ARHGAP44: variants seen among roughly 807,000 people sequenced by gnomAD.
The protein encoded by ARHGAP44 is rho GTPase-activating protein 44.
ARHGAP44 carries 43 observed loss-of-function variants against 106.8 expected under a neutral mutation model. That is an observed-to-expected ratio of 0.40 (90% CI 0.32 to 0.52). The LOEUF (loss-of-function observed/expected upper bound fraction) is 0.52. ARHGAP44 is among the 20% of genes least tolerant of loss of function. ARHGAP44 has a pLI of 0.48. For synonymous variants in ARHGAP44, 439 were observed against 410.3 expected, an observed-to-expected ratio of 1.07 and a Z score of -0.85; for missense variants, 866 against 1,050.5, an observed-to-expected ratio of 0.82 and a Z score of 2.43.
At chr17:12,913,901 G>A (rs749537050) in intron 4 of ARHGAP44, among the ~76,000 whole-genome samples, 1 of 138,220 alleles carries the variant, frequency 7.2e-6, no homozygotes, top group African/African-American at 2.5e-5. Context: ...CCCGGGAGGT[G>A]GAGTTTGTGG....
chr17:12,974,668 A>G (rs1205318852), intron 18 of ARHGAP44, among the ~76,000 whole-genome samples: 1 of 152,144 alleles, frequency 6.6e-6, no homozygotes, highest in Non-Finnish European at 1.5e-5. Context: ...CCCCCAGCGC[A>G]TATCTGAAAC....
intron 7 of ARHGAP44, among the ~76,000 whole-genome samples, chr17:12,937,943 A>C (rs566422617): frequency 1.3e-5 from 2 of 152,236 alleles, no homozygotes; most frequent in African/African-American, 4.8e-5. Context: ...TCTTCTAAAA[A>C]TACAGAAATT....
At chr17:12,863,441 A>G (rs1051040929) in intron 1 of ARHGAP44, among the ~76,000 whole-genome samples, 3 of 152,350 alleles carry the variant, frequency 2.0e-5, no homozygotes, top group South Asian at 2.1e-4. Flanking sequence ...TTGAGTCTCA[A>G]TCTGAGAACT....
rs886811238 is a variant in ARHGAP44, at chr17:12,852,702, C to T, written c.54-42238C>T. Among the ~76,000 whole-genome samples, 7 of 151,858 alleles carry T rather than the reference C, an allele frequency of 4.6e-5. No individual in the cohort carries two copies. In the South Asian group the frequency reaches 6.2e-4, roughly 14 times the overall value. On this transcript the variant is annotated intron_variant, in intron 1 of 20. Coordinates refer to ENST00000379672, the MANE Select transcript of ARHGAP44 (RefSeq NM_014859.6). ...GACTACAGGTGCCTGCCACCACGCC[C>T]GGCTAATTTTTCGTATTTTTAGTAG...
intron 1 of ARHGAP44, among the ~76,000 whole-genome samples, chr17:12,892,521 T>C (rs60809008): frequency 0.14 from 21,681 of 151,958 alleles, 2,342 homozygotes; most frequent in East Asian, 0.34. Context: ...TCTCTGAGTA[T>C]TTTTTAGCCT....
intron 1 of ARHGAP44, among the ~76,000 whole-genome samples, chr17:12,867,460 A>G (rs894302488): frequency 1.2e-4 from 18 of 152,252 alleles, no homozygotes; most frequent in African/African-American, 3.9e-4. Context: ...AGTCTTGCTT[A>G]CAGGAAGCGG....
chr17:12,871,239 G>A (rs1489208870), intron 1 of ARHGAP44, among the ~76,000 whole-genome samples: 1 of 152,146 alleles, frequency 6.6e-6, no homozygotes, highest in Non-Finnish European at 1.5e-5. Flanking sequence ...ACGTCAAATT[G>A]TAATCCCCAA....
intron 16 of ARHGAP44, among the ~76,000 whole-genome samples, chr17:12,968,767 CT>C (rs201566271): frequency 0.1 from 14,709 of 147,224 alleles, 795 homozygotes; most frequent in South Asian, 0.2. Context: ...TCTTTTATTT[CT>C]TTTCTTTTTT....
At chr17:12,963,612 C>T (rs975555482) in intron 16 of ARHGAP44, among the ~76,000 whole-genome samples, 14 of 139,938 alleles carry the variant, frequency 1.0e-4, no homozygotes, top group African/African-American at 3.7e-4. Context: ...GCTGTGTGTG[C>T]AGACAGGCTG....
chr17:12,910,230 A>G (rs1282233816), intron 4 of ARHGAP44, among the ~76,000 whole-genome samples: 2 of 151,342 alleles, frequency 1.3e-5, no homozygotes, highest in Admixed American at 6.6e-5. Context: ...GTACCAAGGT[A>G]GGAAAAAGAT....
At position 12,862,986 on chromosome 17, in the gene ARHGAP44, AAAAAT is replaced by A. The variant is rs1010817192; in HGVS notation, c.54-31944_54-31940del. On this transcript the variant is annotated intron_variant, in intron 1 of 20. Coordinates refer to ENST00000379672, the MANE Select transcript of ARHGAP44 (RefSeq NM_014859.6). ...CACAGAGTGAGACCCTGTCTATTAA[AAAAAT>A]AAAATAAAAAAAAAGGCCGAGCACA... Among the ~76,000 whole-genome samples the A allele has an allele frequency of 3.3e-5, 5 of 151,300 alleles. No individual in the cohort carries two copies. The South Asian group carries it at 6.3e-4, about 19-fold the overall frequency.
chr17:12,990,317 T>C lies in ARHGAP44; in HGVS notation c.*146T>C. The C allele has an allele frequency of 9.2e-7, 1 of 1,091,776 alleles. No individual in the cohort carries two copies. The allele number at this position is 1,091,776 out of a possible 1,614,324, so 67.6% of individuals were successfully genotyped here. On this transcript the variant is annotated 3_prime_UTR_variant, in exon 21 of 21. Transcript: ENST00000379672. The stretch of plus-strand genomic sequence containing the variant: ...ACGAGGTTGGAATTTGGCAGAAAAT[T>C]GTGATCTCCAGTCCGTGTGGTGATG...
Position 12,944,292 on chromosome 17 carries a change from G to T in ARHGAP44, c.861+96G>T, listed in dbSNP as rs995142592. On this transcript the variant is annotated intron_variant, in intron 10 of 20. Coordinates refer to ENST00000379672, the MANE Select transcript of ARHGAP44 (RefSeq NM_014859.6). ...CTCTCTCCTGTACCATCTCCACTCC[G>T]GCCCCCACGAATCCAAATGGCTTAA... is the stretch of plus-strand genomic sequence containing the variant. 3.1e-5 allele frequency: 44 copies of T among 1,410,140 alleles called. No homozygotes were observed. In the African/African-American group the frequency reaches 6.2e-4, roughly 20 times the overall value. The allele number at this position is 1,410,140 out of a possible 1,614,324, so 87.4% of individuals were successfully genotyped here. A position where few individuals can be genotyped will look rare whatever the true frequency, so the allele number is the denominator to read the frequency against.
chr17:12,973,453 C>A, intron 17 of ARHGAP44, 134 bp downstream of exon 17: 2 of 887,476 alleles, frequency 2.3e-6, no homozygotes, highest in Non-Finnish European at 3.5e-6. Flanking sequence ...AAGCTGTGTG[C>A]CCATCATTAA....
At chr17:12,881,126 G>T (rs2036725467) in intron 1 of ARHGAP44, among the ~76,000 whole-genome samples, 1 of 150,830 alleles carries the variant, frequency 6.6e-6, no homozygotes, top group Non-Finnish European at 1.5e-5. Flanking sequence ...CTTTTTTCTA[G>T]TGTCTTTCTT....
chr17:12,964,401 T>A (rs974490390), intron 16 of ARHGAP44, among the ~76,000 whole-genome samples: 1 of 152,190 alleles, frequency 6.6e-6, no homozygotes, highest in African/African-American at 2.4e-5. Context: ...ATTTGTCAGA[T>A]GCCTCCACTG....
At chr17:12,973,626 T>C (rs2039584399) in intron 17 of ARHGAP44, 2 of 508,112 alleles carry the variant, frequency 3.9e-6, no homozygotes, top group Non-Finnish European at 6.9e-6. Context: ...TATTTAGATG[T>C]CTCCTGCTGT....
intron 1 of ARHGAP44, among the ~76,000 whole-genome samples, chr17:12,864,015 A>G (rs543535736): frequency 6.6e-6 from 1 of 152,306 alleles, no homozygotes; most frequent in Non-Finnish European, 1.5e-5. Flanking sequence ...TCCTCACAGT[A>G]TGGTGGTGGG....
chr17:12,960,568 A>AAAAAAAAAAG (rs2039237299), intron 16 of ARHGAP44, among the ~76,000 whole-genome samples: 1 of 151,192 alleles, frequency 6.6e-6, no homozygotes, highest in Admixed American at 6.6e-5. Flanking sequence ...TCCATCTCAA[A>AAAAAAAAAAG]GAAAAAAAAA....
Sources: gnomAD v4.1 joint callset for allele counts (sites outside exome capture counted in the v4.1 genomes callset) on GRCh38, gnomAD v4.1.1 for gene constraint, MANE v1.5 for transcripts, NCBI Gene and HGNC (gene_info 2026-07-23, HGNC 2026-07-21) for gene names.